Variants in CHFR observed in about 807,000 individuals in gnomAD.
CHFR encodes the protein E3 ubiquitin-protein ligase CHFR.
CHFR carries 57 observed loss-of-function variants against 87.6 expected under a neutral mutation model. The observed-to-expected ratio is 0.65, with a 90% CI of 0.53 to 0.81. CHFR has a LOEUF of 0.81. Among genes scored for constraint, CHFR ranks in the 30% least tolerant of loss-of-function variants. The probability of loss-of-function intolerance (pLI) is 0.00; values close to 1 mark genes in which losing one functional copy is unlikely to be tolerated. For missense variants in CHFR, 797 were observed against 865.8 expected (o/e 0.92, Z 1.00); for synonymous variants, 381 against 359.2 (o/e 1.06, Z -0.69).
At chr12:132,843,997 A>G in intron 16 of CHFR, 30 bp downstream of exon 16, 1 of 1,411,058 alleles carries the variant, frequency 7.1e-7, no homozygotes, top group Non-Finnish European at 1.0e-6. Flanking sequence ...AGACAGAACT[A>G]GAGCCATGAG....
intron 11 of CHFR, among the ~76,000 whole-genome samples, chr12:132,852,336 A>T (rs536213481): frequency 3.9e-5 from 6 of 152,300 alleles, no homozygotes; most frequent in Admixed American, 3.9e-4. Context: ...GGACAAGCCC[A>T]TAGAACCTAT....
intron 14 of CHFR, chr12:132,847,835 G>A: frequency 3.7e-6 from 5 of 1,339,718 alleles, no homozygotes; most frequent in Admixed American, 3.1e-5. Context: ...TGCGGGAAGC[G>A]GCTCCTACGA....
At chr12:132,858,670 G>C (rs12422391) in intron 8 of CHFR, among the ~76,000 whole-genome samples, 1 of 126,728 alleles carries the variant, frequency 7.9e-6, no homozygotes, top group Admixed American at 9.3e-5. Flanking sequence ...TGAGGTTGTA[G>C]TGAGCCAAGA....
chr12:132,872,522 T>C (rs1232229600), intron 3 of CHFR, 128 bp from the exon 4 acceptor site: 1 of 640,614 alleles, frequency 1.6e-6, no homozygotes, highest in East Asian at 2.7e-5. Context: ...ACAGTGTAAA[T>C]ACGTAACGAT....
chr12:132,847,818 C>T, intron 14 of CHFR: 2 of 1,314,740 alleles, frequency 1.5e-6, no homozygotes, highest in East Asian at 6.7e-5. Flanking sequence ...CTGCCGGGAA[C>T]AAGAGCTGCG....
intron 2 of CHFR, among the ~76,000 whole-genome samples, chr12:132,883,954 C>T (rs1951827000): frequency 6.6e-6 from 1 of 152,116 alleles, no homozygotes; most frequent in Non-Finnish European, 1.5e-5. Context: ...CTCATCTCTA[C>T]TAAAAATACC....
chr12:132,846,331 T>C (rs1950824429), intron 15 of CHFR, among the ~76,000 whole-genome samples: 7 of 151,472 alleles, frequency 4.6e-5, no homozygotes, highest in Admixed American at 4.6e-4. Flanking sequence ...GGCGTGATTT[T>C]GGCTCACTGC....
chr12:132,857,017 C>CCGGG (rs1951089732), intron 9 of CHFR, among the ~76,000 whole-genome samples: 3 of 96,226 alleles, frequency 3.1e-5, no homozygotes, highest in African/African-American at 8.7e-5. Context: ...CCTCACGTGC[C>CCGGG]TGGGTGCTGG....
intron 6 of CHFR, 54 bp from the exon 7 acceptor site, chr12:132,861,688 C>T: frequency 6.4e-7 from 1 of 1,556,550 alleles, no homozygotes; most frequent in Non-Finnish European, 8.8e-7. Flanking sequence ...CAGGAGAGAA[C>T]CATGCCTGTA....
At chr12:132,870,588 A>T (rs1593506187) in intron 5 of CHFR, 136 bp downstream of exon 5, 3 of 534,974 alleles carry the variant, frequency 5.6e-6, no homozygotes, top group East Asian at 6.2e-5. Context: ...TGAACCCAGG[A>T]GGCGGAGGCT....
At chr12:132,865,265 G>A (rs1167465557) in intron 6 of CHFR, among the ~76,000 whole-genome samples, 1 of 152,170 alleles carries the variant, frequency 6.6e-6, no homozygotes, top group African/African-American at 2.4e-5. Flanking sequence ...CCAAGGGTAG[G>A]TTTTAAGGAA....
At chr12:132,850,562 C>T (rs1268992574) in intron 12 of CHFR, among the ~76,000 whole-genome samples, 4 of 152,196 alleles carry the variant, frequency 2.6e-5, no homozygotes, top group African/African-American at 9.7e-5. Flanking sequence ...CCCAGATCAC[C>T]GGGTGTGTCC....
In CHFR at chr12:132,834,676, C is replaced by T. The variant is rs1285600817; in HGVS notation, c.*6878G>A. ...CATCCCTCCCACCTCTTCTCTGTCA[C>T]CAAGCCTCCTCTTCCTGCCTTTGAC... is the stretch of plus-strand genomic sequence containing the variant. On this transcript the variant is annotated 3_prime_UTR_variant, in exon 18 of 18. Coordinates refer to ENST00000450056, the MANE Select transcript of CHFR (RefSeq NM_001161346.2). 2 of 152,538 alleles carry T rather than the reference C, an allele frequency of 1.3e-5. No homozygotes were observed. Among genetic ancestry groups the T allele is most frequent in the African/African-American group, 4.8e-5 (2 of 41,364 alleles). The allele number at this position is 152,538 out of a possible 1,614,324, so 9.4% of individuals were successfully genotyped here. A position where few individuals can be genotyped will look rare whatever the true frequency, so the allele number is the denominator to read the frequency against.
chr12:132,858,725 T>TTAA (rs1477608094), intron 8 of CHFR, among the ~76,000 whole-genome samples: 22 of 26,800 alleles, frequency 8.2e-4, no homozygotes, highest in African/African-American at 4.1e-3. Flanking sequence ...AGACTCCATC[T>TTAA]AAAAAAAAAA....
intron 2 of CHFR, among the ~76,000 whole-genome samples, chr12:132,879,390 T>G (rs1210606605): frequency 1.3e-5 from 2 of 150,650 alleles, no homozygotes; most frequent in African/African-American, 4.9e-5. Flanking sequence ...TGGGATTTTT[T>G]TTTTCTTTTT....
At chr12:132,865,653 C>CTT (rs57560560) in intron 6 of CHFR, among the ~76,000 whole-genome samples, 973 of 58,200 alleles carry the variant, frequency 0.017, 18 homozygotes, top group Middle Eastern at 0.033. Context: ...GATTACAGGT[C>CTT]TTTTTTTTTT....
intron 2 of CHFR, among the ~76,000 whole-genome samples, chr12:132,885,493 G>A (rs915810966): frequency 6.6e-6 from 1 of 151,852 alleles, no homozygotes; most frequent in African/African-American, 2.4e-5. Flanking sequence ...GTAGTATTTT[G>A]CTATGGTAGT....
At chr12:132,877,695 G>A (rs1566203376) in intron 2 of CHFR, 41 bp from the exon 3 acceptor site, 10 of 1,377,312 alleles carry the variant, frequency 7.3e-6, no homozygotes, top group Non-Finnish European at 1.0e-5. Flanking sequence ...TATGATCGTG[G>A]TAACTGTGAA....
chr12:132,859,842 G>C (rs894522058), intron 7 of CHFR, among the ~76,000 whole-genome samples: 2 of 152,208 alleles, frequency 1.3e-5, no homozygotes, highest in Admixed American at 1.3e-4. Flanking sequence ...AGGAGTTCAA[G>C]ACCAGTCTGG....
Sources: allele counts gnomAD v4.1 joint callset (sites outside exome capture counted in the v4.1 genomes callset), GRCh38; gene constraint gnomAD v4.1.1; transcripts MANE v1.5; gene names NCBI Gene and HGNC (gene_info 2026-07-23, HGNC 2026-07-21).